Variants in HLCS observed in about 807,000 individuals in gnomAD.
The protein encoded by HLCS is holocarboxylase synthetase.
A neutral mutation model predicts 75.0 loss-of-function variants in HLCS; 53 were observed. The ratio of observed to expected loss-of-function variants is 0.71; its 90% CI spans 0.57 to 0.89. HLCS has a LOEUF of 0.89. Among genes scored for constraint, HLCS ranks in the 40% least tolerant of loss-of-function variants. HLCS has a pLI of 0.00. For synonymous variants in HLCS, 431 were observed against 428.6 expected (o/e 1.01, Z -0.07); for missense variants, 966 against 1,074.0 (o/e 0.90, Z 1.41).
rs921990839 is a variant in HLCS at position 36,752,547 on chromosome 21, G to C, written c.*1699C>G. ...GCCCTCTCAAGGGTAAGTCCATTTT[G>C]TAATTTGGGGATGGTGTGGACTTGT... On this transcript the variant is annotated 3_prime_UTR_variant, in exon 11 of 11. Transcript: ENST00000674895. The C allele has an allele frequency of 1.3e-5, 2 of 152,622 alleles. No individual in the cohort carries two copies. Among genetic ancestry groups the C allele is most frequent in the Non-Finnish European group, 2.9e-5 (2 of 68,034 alleles). The allele number at this position is 152,622 out of a possible 1,614,324, so 9.5% of individuals were successfully genotyped here.
At chr21:36,784,128 C>A (rs1422813729) in intron 6 of HLCS, among the ~76,000 whole-genome samples, 1 of 152,098 alleles carries the variant, frequency 6.6e-6, no homozygotes, top group Non-Finnish European at 1.5e-5. Context: ...ACTCTCAAGA[C>A]ATCATCATTG....
At chr21:36,823,442 A>T (rs2061905953) in intron 6 of HLCS, among the ~76,000 whole-genome samples, 1 of 152,208 alleles carries the variant, frequency 6.6e-6, no homozygotes, top group African/African-American at 2.4e-5. Flanking sequence ...ACTATGCATG[A>T]AGTGATCATT....
chr21:36,841,782 C>G (rs2062625809), intron 6 of HLCS, among the ~76,000 whole-genome samples: 2 of 152,228 alleles, frequency 1.3e-5, no homozygotes. Context: ...GGGCTCTGTT[C>G]TGCAGCCACA....
In HLCS at chr21:36,756,234, C is replaced by G. The variant is rs189379984; in HGVS notation, c.2450+308G>C. Among the ~76,000 whole-genome samples the G allele has an allele frequency of 2.9e-4, 44 of 151,048 alleles. No individual in the cohort carries two copies. In the South Asian group the frequency reaches 5.8e-3, roughly 20 times the overall value. The stretch of plus-strand genomic sequence containing the variant: ...CGGGCAGATCACAAGGTCAGGAGAT[C>G]GAGACCATCCTGGCTAACACGGTGA... On this transcript the variant is annotated intron_variant, in intron 10 of 10. Transcript: ENST00000674895.
At chr21:36,784,580 T>C (rs2060632642) in intron 6 of HLCS, among the ~76,000 whole-genome samples, 1 of 152,066 alleles carries the variant, frequency 6.6e-6, no homozygotes, top group African/African-American at 2.4e-5. Flanking sequence ...CTTCCGAAAG[T>C]GCTAGGATTA....
In HLCS at chr21:36,949,141, TGGTTTA is replaced by T. The variant is rs561628464; in HGVS notation, c.331-10153_331-10148del. Among the ~76,000 whole-genome samples the T allele has an allele frequency of 2.2e-3, 338 of 152,286 alleles. 1 individual carries two copies. The highest frequency in any genetic ancestry group is 3.7e-3 in the Non-Finnish European group (253 of 68,024). ...GAGGAGTTTTAAGAGGTATCCCAAG[TGGTTTA>T]GTTACCCACTCATGTGTAACAAACC... is the stretch of plus-strand genomic sequence containing the variant. On this transcript the variant is annotated intron_variant, in intron 2 of 10. Transcript: ENST00000674895.
chr21:36,917,972 A>C (rs2066003680), intron 5 of HLCS, among the ~76,000 whole-genome samples: 1 of 151,492 alleles, frequency 6.6e-6, no homozygotes, highest in African/African-American at 2.4e-5. Flanking sequence ...AAAATGAAGT[A>C]CTCTCTTTCA....
Position 36,901,218 on chromosome 21 carries a change from G to A in HLCS, c.1621-4087C>T, listed in dbSNP as rs2065223964. On this transcript the variant is annotated intron_variant, in intron 5 of 10. Transcript: ENST00000674895. ...AGATCATGCCACTGCATTCCAGCCTGAGCAACAGAGAAAGACTCGGTCTCA... is the reference window on the plus strand; with the variant it reads ...AGATCATGCCACTGCATTCCAGCCTAAGCAACAGAGAAAGACTCGGTCTCA... Among the ~76,000 whole-genome samples the A allele has an allele frequency of 3.9e-5, 6 of 152,100 alleles. No individual in the cohort carries two copies. The South Asian group carries it at 1.2e-3, about 32-fold the overall frequency.
intron 2 of HLCS, among the ~76,000 whole-genome samples, chr21:36,945,764 C>A (rs976531500): frequency 1.3e-5 from 2 of 152,166 alleles, no homozygotes; most frequent in Non-Finnish European, 2.9e-5. Context: ...TGTGAATATA[C>A]TAAAAACTAC....
intron 6 of HLCS, among the ~76,000 whole-genome samples, chr21:36,814,247 G>A (rs1210472882): frequency 6.6e-6 from 1 of 152,128 alleles, no homozygotes; most frequent in South Asian, 2.1e-4. Flanking sequence ...GAGGTAAATG[G>A]TGGACTCTGC....
intron 4 of HLCS, among the ~76,000 whole-genome samples, chr21:36,933,923 G>A (rs1031798455): frequency 4.6e-5 from 7 of 152,282 alleles, no homozygotes; most frequent in African/African-American, 1.4e-4. Flanking sequence ...ACAAGCGGGC[G>A]GAGTTCCTGG....
At chr21:36,967,409 A>G (rs1453654669), upstream of HLCS, among the ~76,000 whole-genome samples, 2 of 152,154 alleles carry the variant, frequency 1.3e-5, no homozygotes, top group Non-Finnish European at 2.9e-5. Flanking sequence ...AAGGCTCCCT[A>G]TGGTGTTCTT....
chr21:36,866,718 G>T (rs1289406715), intron 6 of HLCS, among the ~76,000 whole-genome samples: 1 of 152,062 alleles, frequency 6.6e-6, no homozygotes, highest in African/African-American at 2.4e-5. Flanking sequence ...AAATAATTCA[G>T]TTTCATCTCT....
At chr21:36,912,236 C>T (rs2065749444) in intron 5 of HLCS, among the ~76,000 whole-genome samples, 1 of 151,654 alleles carries the variant, frequency 6.6e-6, no homozygotes, top group African/African-American at 2.4e-5. Context: ...CCCAGGTGTC[C>T]CTCAATAGAC....
chr21:36,884,060 T>C (rs2064345273), intron 6 of HLCS, among the ~76,000 whole-genome samples: 1 of 151,934 alleles, frequency 6.6e-6, no homozygotes, highest in African/African-American at 2.4e-5. Flanking sequence ...CCGGAGAGAG[T>C]AGTTCTGTGC....
At chr21:36,814,155 C>T (rs918883672) in intron 6 of HLCS, among the ~76,000 whole-genome samples, 1 of 152,202 alleles carries the variant, frequency 6.6e-6, no homozygotes, top group South Asian at 2.1e-4. Context: ...CCCAAACACA[C>T]TACAACCTAG....
Position 36,754,303 on chromosome 21 carries a change from G to C in HLCS, c.2565C>G (p.His855Gln). The change falls in exon 11 of 11, where the codon CAC becomes CAG. Residue 855 changes from histidine to glutamine, a missense_variant. His to Gln is a conservative substitution (Grantham distance 24). Transcript: ENST00000674895. ...GCATGTCGAAGGAGTTGCCGTCCGG[G>C]TGCACAGTCACAACCTCGCCGCCCT... ...HQEGGEVVTV[H>Q]PDGNSFDMLR... The C allele has an allele frequency of 3.1e-6, 5 of 1,614,102 alleles. No individual in the cohort carries two copies. Among genetic ancestry groups the C allele is most frequent in the Non-Finnish European group, 4.2e-6 (5 of 1,180,018 alleles).
intron 5 of HLCS, among the ~76,000 whole-genome samples, chr21:36,920,435 G>A (rs920754473): frequency 1.3e-5 from 2 of 151,766 alleles, no homozygotes; most frequent in East Asian, 1.9e-4. Flanking sequence ...TAAAAAGAAC[G>A]AATAAGACCT....
chr21:36,903,509 T>C (rs1420095237), intron 5 of HLCS, among the ~76,000 whole-genome samples: 1 of 152,184 alleles, frequency 6.6e-6, no homozygotes, highest in Non-Finnish European at 1.5e-5. Context: ...AAAACTATTA[T>C]TTAACTCAAG....
Sources: gnomAD v4.1 joint callset for allele counts (sites outside exome capture counted in the v4.1 genomes callset) on GRCh38, gnomAD v4.1.1 for gene constraint, MANE v1.5 for transcripts, NCBI Gene and HGNC (gene_info 2026-07-23, HGNC 2026-07-21) for gene names.